The following CNTN5 variants were observed in gnomAD, a reference collection of about 807,000 sequenced individuals.
The protein encoded by CNTN5 is contactin-5.
In CNTN5, 77 loss-of-function variants were observed where a neutral mutation model predicts 129.1. The ratio of observed to expected loss-of-function variants is 0.60; its 90% CI spans 0.50 to 0.72. CNTN5 has a LOEUF of 0.72. Among genes scored for constraint, CNTN5 ranks in the 30% least tolerant of loss-of-function variants. The probability of loss-of-function intolerance (pLI) is 0.00; values close to 1 mark genes in which losing one functional copy is unlikely to be tolerated. For synonymous variants in CNTN5, 509 were observed against 465.6 expected, an observed-to-expected ratio of 1.09 and a Z score of -1.20; for missense variants, 1,478 against 1,328.8, an observed-to-expected ratio of 1.11 and a Z score of -1.75.
At chr11:99,515,712 A>G (rs557104335) in intron 2 of CNTN5, among the ~76,000 whole-genome samples, 65 of 152,162 alleles carry the variant, frequency 4.3e-4, no homozygotes, top group African/African-American at 1.5e-3. Context: ...GCATTAAACC[A>G]TAAATGCATG....
At chr11:99,844,746 A>C (rs777597407) in intron 4 of CNTN5, 106 bp from the exon 5 acceptor site, 56 of 1,118,278 alleles carry the variant, frequency 5.0e-5, no homozygotes, top group Non-Finnish European at 7.2e-5. Flanking sequence ...TGTTGATTAC[A>C]AGAAAAGAGC....
chr11:100,294,660 GT>G (rs1951066382), intron 18 of CNTN5, among the ~76,000 whole-genome samples: 1 of 151,492 alleles, frequency 6.6e-6, no homozygotes, highest in South Asian at 2.1e-4. Flanking sequence ...AATATATTTT[GT>G]TTTAAAGTAA....
At position 99,379,256 on chromosome 11, in the gene CNTN5, A is replaced by G. The variant is rs140419454; in HGVS notation, c.-71+53772A>G. Among the ~76,000 whole-genome samples the G allele has an allele frequency of 4.5e-4, 67 of 150,114 alleles. 1 individual carries two copies. In the East Asian group the frequency reaches 8.7e-3, roughly 20 times the overall value. ...TCTACTAAATATGAAAATATTAATT[A>G]TATTAATTAATTAATTATACGAATA... On this transcript the variant is annotated intron_variant, in intron 2 of 24. Coordinates refer to ENST00000524871, the MANE Select transcript of CNTN5 (RefSeq NM_014361.4).
intron 2 of CNTN5, among the ~76,000 whole-genome samples, chr11:99,435,858 T>TGGCC (rs1943579009): frequency 6.6e-6 from 1 of 152,192 alleles, no homozygotes; most frequent in South Asian, 2.1e-4. Context: ...GCCATGAAAT[T>TGGCC]ATATATGAGG....
At chr11:100,160,361 A>G (rs935159505) in intron 13 of CNTN5, among the ~76,000 whole-genome samples, 4 of 151,944 alleles carry the variant, frequency 2.6e-5, no homozygotes, top group Non-Finnish European at 5.9e-5. Flanking sequence ...TGCTATTGTG[A>G]ATAGTGCTGC....
chr11:99,525,574 A>T (rs886951611), intron 2 of CNTN5, among the ~76,000 whole-genome samples: 1 of 152,236 alleles, frequency 6.6e-6, no homozygotes, highest in South Asian at 2.1e-4. Flanking sequence ...TTGTTTGGCA[A>T]ATGAGGTGAC....
At chr11:99,540,757 T>C (rs1948075178) in intron 2 of CNTN5, among the ~76,000 whole-genome samples, 1 of 152,066 alleles carries the variant, frequency 6.6e-6, no homozygotes, top group South Asian at 2.1e-4. Flanking sequence ...TCTTTCTCAC[T>C]ATTATATCTG....
At chr11:99,184,906 G>T (rs1032832618) in intron 1 of CNTN5, among the ~76,000 whole-genome samples, 2 of 152,056 alleles carry the variant, frequency 1.3e-5, no homozygotes, top group Admixed American at 6.6e-5. Context: ...CATTGGTTTT[G>T]AAATTCTTCT....
intron 13 of CNTN5, among the ~76,000 whole-genome samples, chr11:100,115,131 A>AG (rs925920505): frequency 2.7e-5 from 4 of 150,722 alleles, no homozygotes; most frequent in Non-Finnish European, 5.9e-5. Flanking sequence ...AAAAAAAAAA[A>AG]AAAAAAAAGA....
At chr11:99,742,631 A>G (rs1208503520) in intron 3 of CNTN5, among the ~76,000 whole-genome samples, 3 of 152,166 alleles carry the variant, frequency 2.0e-5, no homozygotes, top group Admixed American at 2.0e-4. Flanking sequence ...TTATAGATTC[A>G]TACACTATAT....
At chr11:99,865,467 G>GA (rs1228885039) in intron 6 of CNTN5, among the ~76,000 whole-genome samples, 1 of 150,904 alleles carries the variant, frequency 6.6e-6, no homozygotes, top group Non-Finnish European at 1.5e-5. Context: ...ATTTTACCAG[G>GA]AAAAAATCAT....
At chr11:100,339,915 C>G (rs534968979) in intron 21 of CNTN5, among the ~76,000 whole-genome samples, 15 of 152,252 alleles carry the variant, frequency 9.9e-5, no homozygotes, top group Non-Finnish European at 2.1e-4. Flanking sequence ...CTTTCTGCCT[C>G]CCTCCACCCT....
In CNTN5 at chr11:99,475,433, C is replaced by T. The variant is rs1313050186; in HGVS notation, c.-70-80712C>T. 6.6e-5 allele frequency among the ~76,000 whole-genome samples: 10 copies of T among 152,210 alleles called. No individual in the cohort carries two copies. In the East Asian group the frequency reaches 1.9e-3, roughly 29 times the overall value. ...AGTAGCAGAAAATGAAATAGGAAAACTACCAACATAGGCCATCATATTATC... is the reference window on the plus strand; with the variant it reads ...AGTAGCAGAAAATGAAATAGGAAAATTACCAACATAGGCCATCATATTATC... On this transcript the variant is annotated intron_variant, in intron 2 of 24. Coordinates refer to ENST00000524871, the MANE Select transcript of CNTN5 (RefSeq NM_014361.4).
chr11:99,885,649 A>G (rs999348599), intron 6 of CNTN5, among the ~76,000 whole-genome samples: 2 of 152,226 alleles, frequency 1.3e-5, no homozygotes, highest in Non-Finnish European at 2.9e-5. Context: ...TGAATTGACT[A>G]TCCAGCCAAA....
At chr11:99,993,003 G>T (rs1345543519) in intron 8 of CNTN5, among the ~76,000 whole-genome samples, 1 of 152,160 alleles carries the variant, frequency 6.6e-6, no homozygotes, top group Admixed American at 6.6e-5. Flanking sequence ...AGATCAAAGA[G>T]CTACCTTGAC....
At chr11:99,163,490 ACAC>A (rs748660739) in intron 1 of CNTN5, among the ~76,000 whole-genome samples, 1 of 152,056 alleles carries the variant, frequency 6.6e-6, no homozygotes, top group Non-Finnish European at 1.5e-5. Flanking sequence ...TTTTCAATTA[ACAC>A]TCAATGAAAT....
chr11:99,208,334 A>G (rs1045704453), intron 1 of CNTN5, among the ~76,000 whole-genome samples: 3 of 152,136 alleles, frequency 2.0e-5, no homozygotes, highest in African/African-American at 7.2e-5. Flanking sequence ...TTTGAAATAT[A>G]CTTTTATCTA....
chr11:100,227,332 T>C (rs1949398300), intron 16 of CNTN5, among the ~76,000 whole-genome samples: 1 of 152,174 alleles, frequency 6.6e-6, no homozygotes, highest in Admixed American at 6.5e-5. Context: ...TTGCCGCTCA[T>C]GAACACTAAA....
At chr11:99,750,193 A>T (rs2135211959) in intron 3 of CNTN5, among the ~76,000 whole-genome samples, 1 of 152,320 alleles carries the variant, frequency 6.6e-6, no homozygotes, top group South Asian at 2.1e-4. Flanking sequence ...GTGTAAATCT[A>T]CATTAAATTA....
Sources: allele counts gnomAD v4.1 joint callset (sites outside exome capture counted in the v4.1 genomes callset), GRCh38; gene constraint gnomAD v4.1.1; transcripts MANE v1.5; gene names NCBI Gene and HGNC (gene_info 2026-07-23, HGNC 2026-07-21).